The following NAGK variants were observed in gnomAD, a reference collection of about 807,000 sequenced individuals.
NAGK encodes N-acetyl-D-glucosamine kinase.
Under a neutral mutation model 42.9 loss-of-function variants are expected in NAGK, and 35 were observed. That is an observed-to-expected ratio of 0.82 (90% confidence interval 0.62 to 1.08). The LOEUF (loss-of-function observed/expected upper bound fraction) is 1.08, where lower values mean the gene tolerates loss of function less well. Ranked by LOEUF, NAGK falls within the 50% of genes least tolerant of loss-of-function variation. The pLI, the probability that NAGK is intolerant of heterozygous loss-of-function variation, is 0.00. For synonymous variants in NAGK, 172 were observed against 176.0 expected, an observed-to-expected ratio of 0.98 and a Z score of 0.18; for missense variants, 446 against 446.0, an observed-to-expected ratio of 1.00 and a Z score of 0.00.
rs909178654 is a variant in NAGK, at chr2:71,076,659, G to A, written c.723G>A (p.Met241Ile). Residue 241 changes from methionine to isoleucine, a missense_variant, in exon 8 of 10, where the codon ATG (methionine) becomes ATA (isoleucine). Met to Ile is a conservative substitution (Grantham distance 10). Coordinates refer to ENST00000244204, the MANE Select transcript of NAGK (RefSeq NM_017567.6). ...SRYIFRKAGE[M>I]LGRHIVAVLP... ...ATATCTTCAGGAAGGCTGGGGAGAT[G>A]CTGGGCAGACACATCGTAGCAGTGT... is the stretch of plus-strand genomic sequence containing the variant. The A allele has an allele frequency of 3.7e-6, 6 of 1,613,890 alleles. No individual in the cohort carries two copies. In the African/African-American group the frequency reaches 8.0e-5, roughly 22 times the overall value.
At chr2:71,076,463 C>T (rs1404831197) in intron 7 of NAGK, 141 bp from the exon 8 acceptor site, 12 of 628,054 alleles carry the variant, frequency 1.9e-5, no homozygotes, top group East Asian at 5.8e-5. Context: ...CCACCTGCCA[C>T]GAGGCGGGCA....
intron 1 of NAGK, chr2:71,068,918 C>A (rs1192957800): frequency 7.7e-6 from 10 of 1,294,322 alleles, no homozygotes; most frequent in Non-Finnish European, 9.8e-6. Context: ...AACAGCCACA[C>A]CCCGGGTTGG....
At chr2:71,071,612 C>A in intron 3 of NAGK, 74 bp from the exon 4 acceptor site, 2 of 1,510,224 alleles carry the variant, frequency 1.3e-6, no homozygotes, top group Non-Finnish European at 8.9e-7. Flanking sequence ...AATCAGGCAT[C>A]AGGAGGGGGC....
At chr2:71,072,501 T>TG (rs776829322) in intron 4 of NAGK, 140 bp from the exon 5 acceptor site, 17 of 646,646 alleles carry the variant, frequency 2.6e-5, no homozygotes, top group Non-Finnish European at 4.3e-5. Context: ...GGAAACTAGC[T>TG]GGGCTCAGTT....
At chr2:71,068,330 C>G (rs530432762), upstream of NAGK, 3 of 549,572 alleles carry the variant, frequency 5.5e-6, no homozygotes, top group African/African-American at 2.0e-5. Flanking sequence ...CGTTTACAGG[C>G]AGGCAGGTCA....
intron 5 of NAGK, 40 bp downstream of exon 5, chr2:71,072,791 G>C: frequency 6.5e-7 from 1 of 1,547,280 alleles, no homozygotes; most frequent in Non-Finnish European, 8.9e-7. Context: ...TCCTGGATCT[G>C]CTCCTTCCTT....
chr2:71,072,585 G>C, intron 4 of NAGK, 56 bp from the exon 5 acceptor site: 1 of 1,427,082 alleles, frequency 7.0e-7, no homozygotes, highest in Non-Finnish European at 9.9e-7. Context: ...ACAGTGGCAA[G>C]CTGTTGCTCT....
At chr2:71,070,458 T>C (rs1344816068) in intron 1 of NAGK, 44 bp from the exon 2 acceptor site, 1 of 1,543,230 alleles carries the variant, frequency 6.5e-7, no homozygotes, top group Admixed American at 1.7e-5. Flanking sequence ...GCTCTCTCTG[T>C]GGGTTTTTCC....
chr2:71,076,878 C>T (rs111965134), intron 8 of NAGK, among the ~76,000 whole-genome samples, 177 bp downstream of exon 8: 2 of 152,116 alleles, frequency 1.3e-5, no homozygotes, highest in African/African-American at 4.8e-5. Flanking sequence ...GGTCAAATGC[C>T]GCCCTCTGTA....
intron 5 of NAGK, chr2:71,073,199 C>A: frequency 1.9e-6 from 1 of 526,170 alleles, no homozygotes; most frequent in Non-Finnish European, 3.4e-6. Context: ...GTATTTGTGA[C>A]AACAGACTGA....
chr2:71,074,948 T>C (rs1404685365), intron 6 of NAGK: 1 of 152,126 alleles, frequency 6.6e-6, no homozygotes, highest in African/African-American at 2.4e-5. Flanking sequence ...TGGGGAACCA[T>C]TGGTTCCTCA....
At chr2:71,073,320 T>TTC in intron 5 of NAGK, 162 bp from the exon 6 acceptor site, 3 of 391,476 alleles carry the variant, frequency 7.7e-6, no homozygotes, top group Non-Finnish European at 1.0e-5. Context: ...ATAGAGACCC[T>TTC]CCCACCCCCC....
rs1418318633 is a variant in NAGK at position 71,072,517 on chromosome 2, C to G, written c.356-124C>G. 4.1e-6 allele frequency: 3 copies of G among 735,378 alleles called. No homozygotes were observed. In the African/African-American group the frequency reaches 5.3e-5, roughly 13 times the overall value. The allele number at this position is 735,378 out of a possible 1,614,324, so 45.6% of individuals were successfully genotyped here. A position where few individuals can be genotyped will look rare whatever the true frequency, so the allele number is the denominator to read the frequency against. On this transcript the variant is annotated intron_variant, in intron 4 of 9. Coordinates refer to ENST00000244204, the MANE Select transcript of NAGK (RefSeq NM_017567.6). ...GAAACTAGCTGGGCTCAGTTTTCTCCTCTACAGGACTGGGTGGTGATTCCC... is the reference window on the plus strand; with the variant it reads ...GAAACTAGCTGGGCTCAGTTTTCTCGTCTACAGGACTGGGTGGTGATTCCC...
chr2:71,068,436 C>G, upstream of NAGK: 1 of 1,345,296 alleles, frequency 7.4e-7, no homozygotes, highest in Non-Finnish European at 9.6e-7. Flanking sequence ...TCCAGGAGGA[C>G]GGGAGGGGCC....
chr2:71,072,841 C>A, intron 5 of NAGK, 90 bp downstream of exon 5: 3 of 1,206,074 alleles, frequency 2.5e-6, no homozygotes, highest in Non-Finnish European at 3.6e-6. Flanking sequence ...GCTCACTGAG[C>A]CCTTGGGGCT....
intron 6 of NAGK, chr2:71,075,335 G>C (rs985466260): frequency 1.8e-5 from 9 of 514,110 alleles, no homozygotes; most frequent in African/African-American, 1.7e-4. Flanking sequence ...TCTGTTCTCT[G>C]TGCTGCCTTC....
chr2:71,071,812 A>T lies in NAGK; in HGVS notation c.340A>T (p.Thr114Ser). The T allele has an allele frequency of 6.2e-7, 1 of 1,614,134 alleles. No homozygotes were observed. Among genetic ancestry groups the T allele is most frequent in the Non-Finnish European group, 8.5e-7 (1 of 1,180,010 alleles). Residue 114 changes from threonine (T) to serine (S), a missense_variant, in exon 4 of 10, where the codon ACA becomes TCA. Coordinates refer to ENST00000244204, the MANE Select transcript of NAGK (RefSeq NM_017567.6). ...ITTDAAGSIA[T>S]ATPDGGVVLI... is the part of the protein sequence containing the mutation. ...CACCGATGCCGCCGGCTCCATCGCC[A>T]CAGCTACACCGGATGGTGAGGAAGT...
chr2:71,072,608 G>T (rs542358630), intron 4 of NAGK, 33 bp from the exon 5 acceptor site: 2 of 1,574,032 alleles, frequency 1.3e-6, no homozygotes, highest in Non-Finnish European at 1.7e-6. Context: ...GCCAGGCCTC[G>T]GCCACACTGA....
chr2:71,076,739 G>A lies in NAGK; in HGVS notation c.765+38G>A, dbSNP rs567385189. On this transcript the variant is annotated intron_variant, in intron 8 of 9. Transcript: ENST00000244204. ...GGGAGTGAAGGTGGGGAGCTGCTGG[G>A]TGAGGAGTGGTCCTTTCCCACTGTG... 5.2e-6 allele frequency: 8 copies of A among 1,549,378 alleles called. No individual in the cohort carries two copies. In the East Asian group the frequency reaches 9.0e-5, roughly 17 times the overall value.
Sources: allele counts gnomAD v4.1 joint callset (sites outside exome capture counted in the v4.1 genomes callset), GRCh38; gene constraint gnomAD v4.1.1; transcripts MANE v1.5; gene names NCBI Gene and HGNC (gene_info 2026-07-23, HGNC 2026-07-21).